The following FER variants were observed in gnomAD, a reference collection of about 807,000 sequenced individuals.
The protein encoded by FER is FER tyrosine kinase, also known as tyrosine-protein kinase Fer.
Under a neutral mutation model 111.0 loss-of-function variants are expected in FER, and 63 were observed. The observed-to-expected ratio is 0.57, with a 90% CI of 0.46 to 0.70. FER has a LOEUF of 0.70. Among genes scored for constraint, FER ranks in the 30% least tolerant of loss-of-function variants. The pLI is 0.00. For missense variants in FER, 914 were observed against 954.0 expected (o/e 0.96, Z 0.55); for synonymous variants, 327 against 313.9 (o/e 1.04, Z -0.44).
intron 1 of FER, among the ~76,000 whole-genome samples, chr5:108,759,551 A>G (rs1192037706): frequency 6.6e-6 from 1 of 152,196 alleles, no homozygotes; most frequent in Admixed American, 6.5e-5. Flanking sequence ...AATACCACAG[A>G]CTGAGTAATT....
At chr5:108,842,907 C>T (rs966213578) in intron 5 of FER, 1 of 152,184 alleles carries the variant, frequency 6.6e-6, no homozygotes, top group African/African-American at 2.4e-5. Flanking sequence ...TGGGTATCCA[C>T]CCAGAGGAAA....
In FER at chr5:109,179,392, T is replaced by A. The variant is rs532214442; in HGVS notation, c.2049-1355T>A. On this transcript the variant is annotated intron_variant, in intron 17 of 19. Transcript: ENST00000281092. Reference sequence around the variant, plus strand: ...AATAAATTCCTTAATATTTCTAGATTGTTTTACCAATGGGTTTGAATATTT... The same window carrying A: ...AATAAATTCCTTAATATTTCTAGATAGTTTTACCAATGGGTTTGAATATTT... Among the ~76,000 whole-genome samples, 94 of 152,188 alleles carry A rather than the reference T, an allele frequency of 6.2e-4. 1 individual carries two copies. The highest frequency in any genetic ancestry group is 2.2e-3 in the African/African-American group (91 of 41,538).
At chr5:109,101,869 T>C (rs1323490883) in intron 17 of FER, among the ~76,000 whole-genome samples, 1 of 152,176 alleles carries the variant, frequency 6.6e-6, no homozygotes, top group East Asian at 1.9e-4. Context: ...ATTGAGGTGC[T>C]TCAAATTCTC....
chr5:108,772,295 C>T (rs184335790), intron 2 of FER, among the ~76,000 whole-genome samples: 3 of 95,740 alleles, frequency 3.1e-5, no homozygotes, highest in Admixed American at 2.9e-4. Flanking sequence ...TCAGATCTCC[C>T]CTGTTATGCC....
intron 17 of FER, among the ~76,000 whole-genome samples, chr5:109,162,849 TTTA>T (rs1337489737): frequency 6.6e-6 from 1 of 151,964 alleles, no homozygotes; most frequent in Non-Finnish European, 1.5e-5. Context: ...TGCCTATTTT[TTTA>T]ATCACCTTTA....
chr5:108,992,653 G>A (rs543401882), intron 13 of FER, among the ~76,000 whole-genome samples: 65 of 143,168 alleles, frequency 4.5e-4, no homozygotes, highest in African/African-American at 9.0e-4. Context: ...CCTCCCTCCC[G>A]GACGGGGCGG....
intron 17 of FER, among the ~76,000 whole-genome samples, chr5:109,170,954 C>T (rs1757036791): frequency 6.6e-6 from 1 of 152,136 alleles, no homozygotes; most frequent in South Asian, 2.1e-4. Flanking sequence ...ATATGCTAGC[C>T]ACCAGCTGGT....
intron 10 of FER, among the ~76,000 whole-genome samples, chr5:108,898,153 G>A (rs1484768483): frequency 6.6e-6 from 1 of 152,162 alleles, no homozygotes; most frequent in African/African-American, 2.4e-5. Flanking sequence ...ATTCTTAAGA[G>A]AGAAGTAAGC....
At position 108,880,004 on chromosome 5, in the gene FER, C is replaced by A. The variant is rs74326608; in HGVS notation, c.924-3392C>A. On this transcript the variant is annotated intron_variant, in intron 8 of 19. Coordinates refer to ENST00000281092, the MANE Select transcript of FER (RefSeq NM_005246.4). Reference sequence around the variant, plus strand: ...GGGATTACAGATGTGAGCCACTGCTCCTGGCCTCCCTGTATAATTTTATTC... The same window carrying A: ...GGGATTACAGATGTGAGCCACTGCTACTGGCCTCCCTGTATAATTTTATTC... Among the ~76,000 whole-genome samples the A allele has an allele frequency of 2.0e-3, 309 of 152,094 alleles. 1 individual carries two copies. Among genetic ancestry groups the A allele is most frequent in the African/African-American group, 7.1e-3 (295 of 41,468 alleles).
chr5:109,157,206 A>T (rs1278067657), intron 17 of FER, among the ~76,000 whole-genome samples: 2 of 152,174 alleles, frequency 1.3e-5, no homozygotes, highest in Non-Finnish European at 2.9e-5. Context: ...TCAAAAATAT[A>T]TACACAATTA....
At chr5:109,084,769 CT>C (rs1394582844) in intron 16 of FER, among the ~76,000 whole-genome samples, 1 of 151,722 alleles carries the variant, frequency 6.6e-6, no homozygotes, top group Non-Finnish European at 1.5e-5. Flanking sequence ...CTAATTTCAC[CT>C]ATGATGTTAC....
intron 9 of FER, among the ~76,000 whole-genome samples, chr5:108,892,670 A>C (rs1480322748): frequency 2.6e-5 from 4 of 152,056 alleles, no homozygotes; most frequent in Non-Finnish European, 5.9e-5. Flanking sequence ...TCTTTAGTTT[A>C]ATTAGATCCC....
At chr5:108,870,000 A>G (rs1005455810) in intron 6 of FER, among the ~76,000 whole-genome samples, 7 of 152,222 alleles carry the variant, frequency 4.6e-5, no homozygotes, top group African/African-American at 1.7e-4. Context: ...AGATTTACTT[A>G]TCTCTAAAGT....
intron 16 of FER, among the ~76,000 whole-genome samples, chr5:109,094,932 T>C (rs1290745256): frequency 6.6e-6 from 1 of 152,162 alleles, no homozygotes; most frequent in East Asian, 1.9e-4. Flanking sequence ...CTATGGCATC[T>C]CTCCTCGCAG....
intron 8 of FER, among the ~76,000 whole-genome samples, chr5:108,879,461 T>C (rs1285388504): frequency 6.6e-6 from 1 of 151,784 alleles, no homozygotes; most frequent in East Asian, 1.9e-4. Flanking sequence ...GTGTTCTCAT[T>C]TGAACTGTTA....
intron 1 of FER, among the ~76,000 whole-genome samples, chr5:108,757,659 C>T (rs1307958288): frequency 6.6e-6 from 1 of 152,188 alleles, no homozygotes. Flanking sequence ...ATCTTACGTT[C>T]ATAAATCCTG....
intron 17 of FER, among the ~76,000 whole-genome samples, chr5:109,179,248 T>A (rs1197787680): frequency 6.6e-6 from 1 of 152,190 alleles, no homozygotes; most frequent in Non-Finnish European, 1.5e-5. Context: ...ACCCTTTGAC[T>A]AGAAGTGGTG....
At chr5:108,836,935 A>G (rs1760727732) in intron 5 of FER, among the ~76,000 whole-genome samples, 1 of 151,984 alleles carries the variant, frequency 6.6e-6, no homozygotes, top group Non-Finnish European at 1.5e-5. Context: ...CCAATTTACT[A>G]GGGAAGTTGT....
At chr5:109,076,716 A>T (rs1776387941) in intron 16 of FER, among the ~76,000 whole-genome samples, 1 of 152,112 alleles carries the variant, frequency 6.6e-6, no homozygotes, top group Non-Finnish European at 1.5e-5. Context: ...GGGATTACAG[A>T]TGTGAGACAC....
Sources: allele counts gnomAD v4.1 joint callset (sites outside exome capture counted in the v4.1 genomes callset), GRCh38; gene constraint gnomAD v4.1.1; transcripts MANE v1.5; gene names NCBI Gene and HGNC (gene_info 2026-07-23, HGNC 2026-07-21).